MTUS1: variants seen among roughly 807,000 people sequenced by gnomAD.
MTUS1 encodes the protein microtubule-associated tumor suppressor 1.
MTUS1 carries 109 observed loss-of-function variants against 120.8 expected under a neutral mutation model. The observed-to-expected ratio is 0.90, with a 90% CI of 0.77 to 1.06. The LOEUF (loss-of-function observed/expected upper bound fraction) is 1.06. Among genes scored for constraint, MTUS1 ranks in the 50% least tolerant of loss-of-function variants. The pLI is 0.00. For synonymous variants in MTUS1, 737 were observed against 550.5 expected, an observed-to-expected ratio of 1.34 and a Z score of -4.74; for missense variants, 2,210 against 1,486.3, an observed-to-expected ratio of 1.49 and a Z score of -8.01.
intron 3 of MTUS1, among the ~76,000 whole-genome samples, chr8:17,730,684 A>G (rs2046513106): frequency 2.6e-5 from 4 of 152,216 alleles, no homozygotes; most frequent in African/African-American, 9.6e-5. Context: ...ATGCTACAAC[A>G]TGGATGAACC....
chr8:17,692,638 AAAG>A (rs1338852948), intron 6 of MTUS1, among the ~76,000 whole-genome samples: 4 of 152,210 alleles, frequency 2.6e-5, no homozygotes, highest in Admixed American at 2.6e-4. Context: ...TCACGAACAC[AAAG>A]AAGGGAAACA....
intron 12 of MTUS1, among the ~76,000 whole-genome samples, chr8:17,652,041 G>C (rs189906171): frequency 6.7e-6 from 1 of 148,342 alleles, no homozygotes; most frequent in East Asian, 2.0e-4. Flanking sequence ...AGGTCTCACT[G>C]AGAGATCCAC....
chr8:17,738,401 G>C (rs113339266), intron 3 of MTUS1, among the ~76,000 whole-genome samples: 33 of 152,288 alleles, frequency 2.2e-4, no homozygotes, highest in African/African-American at 7.9e-4. Context: ...GGCAACTCAT[G>C]TGTGTAGAGA....
At chr8:17,774,180 T>C (rs2050226048) in intron 1 of MTUS1, among the ~76,000 whole-genome samples, 1 of 152,216 alleles carries the variant, frequency 6.6e-6, no homozygotes, top group African/African-American at 2.4e-5. Flanking sequence ...AATAGCATTC[T>C]GTTAAGAAGC....
intron 8 of MTUS1, chr8:17,674,818 T>A (rs1273645901): frequency 9.5e-7 from 1 of 1,057,318 alleles, no homozygotes; most frequent in East Asian, 7.5e-5. Flanking sequence ...ATTTACTGTT[T>A]ATCAAGAGGG....
chr8:17,722,747 C>A (rs959619831), intron 4 of MTUS1: 1 of 167,764 alleles, frequency 6.0e-6, no homozygotes, highest in African/African-American at 2.4e-5. Flanking sequence ...ATATAAATAT[C>A]AGGGTAACAG....
At chr8:17,798,665 C>T (rs879321833) in intron 1 of MTUS1, among the ~76,000 whole-genome samples, 3 of 152,126 alleles carry the variant, frequency 2.0e-5, no homozygotes, top group Admixed American at 1.3e-4. Context: ...ACCACAGTCA[C>T]ATATAGTTCT....
At chr8:17,796,513 G>T (rs894323481) in intron 1 of MTUS1, among the ~76,000 whole-genome samples, 1 of 152,114 alleles carries the variant, frequency 6.6e-6, no homozygotes, top group Non-Finnish European at 1.5e-5. Context: ...CCTTGATTGT[G>T]TAACATTTAT....
In MTUS1 at chr8:17,739,966, G is replaced by C. The variant is rs554253497; in HGVS notation, c.2287+3638C>G. 3.3e-5 allele frequency among the ~76,000 whole-genome samples: 5 copies of C among 152,238 alleles called. No homozygotes were observed. The South Asian group carries it at 1.0e-3, about 32-fold the overall frequency. On this transcript the variant is annotated intron_variant, in intron 3 of 14. Coordinates refer to ENST00000693296, the MANE Select transcript of MTUS1 (RefSeq NM_001363059.2). ...CAAGTAAAATGGAACAGCTCTTTGG[G>C]AGGCCAAGGTGGGTGGATCACCTGA...
At chr8:17,747,116 T>C (rs1399900561) in intron 2 of MTUS1, among the ~76,000 whole-genome samples, 1 of 152,166 alleles carries the variant, frequency 6.6e-6, no homozygotes, top group Non-Finnish European at 1.5e-5. Flanking sequence ...CTGTCTGTCT[T>C]CCAGATAACA....
At chr8:17,676,191 C>T in intron 7 of MTUS1, 1 of 697,418 alleles carries the variant, frequency 1.4e-6, no homozygotes, top group Non-Finnish European at 2.6e-6. Flanking sequence ...GCTTGTCATT[C>T]AAAGCATTTT....
chr8:17,749,871 G>A lies in MTUS1; in HGVS notation c.2091+3846C>T, dbSNP rs150771589. Among the ~76,000 whole-genome samples, 151 of 152,152 alleles carry A rather than the reference G, an allele frequency of 9.9e-4. 2 individuals carry two copies. Among genetic ancestry groups the A allele is most frequent in the African/African-American group, 3.3e-3 (135 of 41,490 alleles). ...GGCCCATCTTCTCAGGATCTCCTAAGGGCTGTGTCATGGGCCACTGGTCAC... is the reference window on the plus strand; with the variant it reads ...GGCCCATCTTCTCAGGATCTCCTAAAGGCTGTGTCATGGGCCACTGGTCAC... On this transcript the variant is annotated intron_variant, in intron 2 of 14. Transcript: ENST00000693296.
chr8:17,668,221 T>A, intron 8 of MTUS1, among the ~76,000 whole-genome samples: 1 of 152,236 alleles, frequency 6.6e-6, no homozygotes, highest in Non-Finnish European at 1.5e-5. Flanking sequence ...ATGTGTGAAT[T>A]TTTTTCTTTT....
At chr8:17,676,021 G>A (rs79700819) in intron 7 of MTUS1, 1 of 528,386 alleles carries the variant, frequency 1.9e-6, no homozygotes, top group Non-Finnish European at 3.4e-6. Flanking sequence ...TTCCTTAAAA[G>A]GTAGATTCCC....
intron 6 of MTUS1, among the ~76,000 whole-genome samples, chr8:17,710,351 G>A (rs1021142585): frequency 6.6e-6 from 1 of 152,060 alleles, no homozygotes; most frequent in African/African-American, 2.4e-5. Flanking sequence ...TGGAATATTC[G>A]GACTCCTTTG....
intron 7 of MTUS1, chr8:17,676,408 C>A (rs968467445): frequency 4.3e-6 from 3 of 700,276 alleles, no homozygotes; most frequent in Non-Finnish European, 5.2e-6. Flanking sequence ...ACCCACCAGT[C>A]GGGTCTGTCT....
intron 8 of MTUS1, among the ~76,000 whole-genome samples, chr8:17,656,757 C>T (rs541243922): frequency 1.6e-3 from 247 of 152,020 alleles, no homozygotes; most frequent in African/African-American, 5.8e-3. Flanking sequence ...CACACAAGAG[C>T]AGGAAAGACG....
intron 6 of MTUS1, among the ~76,000 whole-genome samples, chr8:17,696,172 C>T (rs142912905): frequency 1.2e-3 from 182 of 152,228 alleles, no homozygotes; most frequent in African/African-American, 4.2e-3. Context: ...CGCTGCCTCC[C>T]CCCATTTACC....
chr8:17,662,844 GAAA>G (rs10616236), intron 8 of MTUS1, among the ~76,000 whole-genome samples: 655 of 141,340 alleles, frequency 4.6e-3, no homozygotes, highest in Non-Finnish European at 6.9e-3. Flanking sequence ...AGGAAAAAGA[GAAA>G]AAAAAAAAAA....
Sources: gnomAD v4.1 joint callset for allele counts (sites outside exome capture counted in the v4.1 genomes callset) on GRCh38, gnomAD v4.1.1 for gene constraint, MANE v1.5 for transcripts, NCBI Gene and HGNC (gene_info 2026-07-23, HGNC 2026-07-21) for gene names.